ALDH7A1: variants seen among roughly 807,000 people sequenced by gnomAD.
The protein encoded by ALDH7A1 is alpha-aminoadipic semialdehyde dehydrogenase.
ALDH7A1 carries 63 observed loss-of-function variants against 79.9 expected under a neutral mutation model. The observed-to-expected ratio is 0.79, with a 90% CI of 0.64 to 0.97. The LOEUF is 0.97. Ranked by LOEUF, ALDH7A1 falls within the 50% of genes least tolerant of loss-of-function variation. The pLI is 0.00. For synonymous variants in ALDH7A1, 240 were observed against 231.2 expected (o/e 1.04, Z -0.34); for missense variants, 627 against 665.2 (o/e 0.94, Z 0.63).
chr5:126,559,089 A>T, intron 11 of ALDH7A1, 151 bp downstream of exon 11: 1 of 674,760 alleles, frequency 1.5e-6, no homozygotes, highest in East Asian at 3.0e-5. Context: ...ATCTGCCATG[A>T]GCACAGAAAG....
intron 3 of ALDH7A1, among the ~76,000 whole-genome samples, chr5:126,591,743 A>T (rs1157923700): frequency 6.6e-6 from 1 of 152,052 alleles, no homozygotes; most frequent in Non-Finnish European, 1.5e-5. Flanking sequence ...CCTTCTCAGG[A>T]GCCTAGCTCC....
chr5:126,545,931 G>A (rs142529096), intron 17 of ALDH7A1, among the ~76,000 whole-genome samples: 5,372 of 152,144 alleles, frequency 0.035, 306 homozygotes, highest in African/African-American at 0.12. Flanking sequence ...TGGCCAACAC[G>A]GTGAAACCCA....
At chr5:126,548,451 AG>A (rs1329607255) in intron 16 of ALDH7A1, among the ~76,000 whole-genome samples, 1 of 146,848 alleles carries the variant, frequency 6.8e-6, no homozygotes. Flanking sequence ...GGGGGAAGAC[AG>A]GGTCTCACTC....
At chr5:126,584,240 A>C (rs1751279466) in intron 3 of ALDH7A1, 1 of 521,750 alleles carries the variant, frequency 1.9e-6, no homozygotes, top group Admixed American at 3.4e-5. Context: ...GCAACAAATA[A>C]TTACAAATTG....
At position 126,543,405 on chromosome 5, in the gene ALDH7A1, G is replaced by A. The variant is rs1749678514; in HGVS notation, c.*1560C>T. The A allele has an allele frequency of 6.6e-6, 1 of 152,082 alleles. No homozygotes were observed. Among genetic ancestry groups the A allele is most frequent in the Admixed American group, 6.5e-5 (1 of 15,278 alleles). The allele number at this position is 152,082 out of a possible 1,614,324, so 9.4% of individuals were successfully genotyped here. On this transcript the variant is annotated 3_prime_UTR_variant, in exon 18 of 18. Coordinates refer to ENST00000409134, the MANE Select transcript of ALDH7A1 (RefSeq NM_001182.5). Reference sequence around the variant, plus strand: ...ATACCCTCACCCATGATTTCTTCCTGCCAACCTTCTCTCAATAGCTATATC... The same window carrying A: ...ATACCCTCACCCATGATTTCTTCCTACCAACCTTCTCTCAATAGCTATATC...
chr5:126,561,154 T>G, intron 9 of ALDH7A1, 30 bp from the exon 10 acceptor site: 1 of 1,548,516 alleles, frequency 6.5e-7, no homozygotes, highest in Non-Finnish European at 8.8e-7. Context: ...ATATAAAAAT[T>G]AATGCCTACT....
chr5:126,573,656 C>A (rs929969690), intron 7 of ALDH7A1, among the ~76,000 whole-genome samples: 1 of 150,624 alleles, frequency 6.6e-6, no homozygotes, highest in African/African-American at 2.4e-5. Context: ...CGAGATCGCA[C>A]CACTGCACTC....
chr5:126,553,310 G>A (rs978336998), intron 13 of ALDH7A1: 9 of 152,002 alleles, frequency 5.9e-5, no homozygotes, highest in Non-Finnish European at 1.2e-4. Context: ...TTTAAAATAC[G>A]GATATGAATT....
At chr5:126,571,261 T>C (rs1365919084) in intron 7 of ALDH7A1, 1 of 266,096 alleles carries the variant, frequency 3.8e-6, no homozygotes, top group Non-Finnish European at 7.3e-6. Context: ...GTGGATCACT[T>C]GAGGTGAGGA....
intron 16 of ALDH7A1, among the ~76,000 whole-genome samples, chr5:126,548,085 G>A (rs1749853256): frequency 6.6e-6 from 1 of 152,020 alleles, no homozygotes; most frequent in African/African-American, 2.4e-5. Flanking sequence ...GTAGCCTCTG[G>A]GAAAGGAGGA....
At chr5:126,578,435 A>C (rs938327962) in intron 5 of ALDH7A1, among the ~76,000 whole-genome samples, 18 of 152,264 alleles carry the variant, frequency 1.2e-4, no homozygotes, top group Non-Finnish European at 2.1e-4. Flanking sequence ...ACTTGAGCTC[A>C]GTTTGAGACT....
chr5:126,576,979 C>T, intron 6 of ALDH7A1, 100 bp downstream of exon 6: 3 of 1,481,994 alleles, frequency 2.0e-6, no homozygotes, highest in Non-Finnish European at 2.8e-6. Flanking sequence ...TGTGGTGATG[C>T]ACACTTATAA....
chr5:126,577,011 A>T (rs1750995448), intron 6 of ALDH7A1, 68 bp downstream of exon 6: 2 of 1,599,070 alleles, frequency 1.3e-6, no homozygotes, highest in Non-Finnish European at 1.7e-6. Context: ...GAAGAGGCTG[A>T]GGTAGTAGTA....
At position 126,542,966 on chromosome 5, in the gene ALDH7A1, G is replaced by A. The variant is rs1189401852; in HGVS notation, c.*1999C>T. The A allele has an allele frequency of 6.6e-6, 1 of 152,254 alleles. No homozygotes were observed. The highest frequency in any genetic ancestry group is 2.1e-4 in the South Asian group (1 of 4,834). 9.4% of individuals were successfully genotyped at this position (152,254 alleles called of 1,614,324 possible). On this transcript the variant is annotated 3_prime_UTR_variant, in exon 18 of 18. Transcript: ENST00000409134. ...GTTAGGCTTTAGTGCCGTGGCAGAA[G>A]CAAGCATGCTGAACACAATTCCCCG...
intron 3 of ALDH7A1, chr5:126,591,927 CT>C (rs535978673): frequency 0.011 from 1,500 of 131,268 alleles, 20 homozygotes; most frequent in African/African-American, 0.039. Flanking sequence ...TGCCACTGCT[CT>C]TTTTTTTTTT....
At chr5:126,592,489 A>C (rs774751208) in intron 3 of ALDH7A1, 175 bp downstream of exon 3, 15 of 639,414 alleles carry the variant, frequency 2.3e-5, no homozygotes, top group Non-Finnish European at 4.1e-5. Context: ...CTACCCTAGA[A>C]ATATGGCAGA....
intron 1 of ALDH7A1, chr5:126,594,120 T>C (rs768070528): frequency 4.6e-6 from 2 of 436,678 alleles, no homozygotes; most frequent in Non-Finnish European, 9.7e-6. Context: ...TTCCATTGTA[T>C]TCTATAAAAC....
chr5:126,559,131 T>C (rs538920355), intron 11 of ALDH7A1, 109 bp downstream of exon 11: 12 of 880,134 alleles, frequency 1.4e-5, no homozygotes, highest in Non-Finnish European at 2.2e-5. Context: ...CAGCCACATC[T>C]AGAGAGCATG....
intron 9 of ALDH7A1, among the ~76,000 whole-genome samples, chr5:126,565,653 T>C (rs940112299): frequency 6.6e-6 from 1 of 152,204 alleles, no homozygotes; most frequent in Non-Finnish European, 1.5e-5. Context: ...GCTTGTGCTT[T>C]AGTTGTCATT....
Sources: gnomAD v4.1 joint callset for allele counts (sites outside exome capture counted in the v4.1 genomes callset) on GRCh38, gnomAD v4.1.1 for gene constraint, MANE v1.5 for transcripts, NCBI Gene and HGNC (gene_info 2026-07-23, HGNC 2026-07-21) for gene names.